PTPRN2: variants seen among roughly 807,000 people sequenced by gnomAD.
PTPRN2 encodes the protein receptor-type tyrosine-protein phosphatase N2.
A neutral mutation model predicts 118.8 loss-of-function variants in PTPRN2; 74 were observed. The observed-to-expected ratio is 0.62, with a 90% CI of 0.52 to 0.76. The LOEUF (loss-of-function observed/expected upper bound fraction) is 0.76, where lower values mean the gene tolerates loss of function less well. Ranked by LOEUF, PTPRN2 falls within the 30% of genes least tolerant of loss-of-function variation. PTPRN2 has a pLI of 0.00. For synonymous variants in PTPRN2, 641 were observed against 608.0 expected, an observed-to-expected ratio of 1.05 and a Z score of -0.80; for missense variants, 1,481 against 1,394.4, an observed-to-expected ratio of 1.06 and a Z score of -0.99.
chr7:157,621,938 T>C (rs115289864), intron 14 of PTPRN2, among the ~76,000 whole-genome samples: 136 of 152,218 alleles, frequency 8.9e-4, no homozygotes, highest in African/African-American at 3.1e-3. Context: ...GAGACTGGGC[T>C]GCTCTGATCT....
rs929375383 is a variant in PTPRN2, at chr7:157,813,402, C to T, written c.1788+85271G>A. ...GAGGGTGGGAGACCAGAGTCAGAGGCGGACAGGGGTTCGATACGCCATTCA... is the reference window on the plus strand; with the variant it reads ...GAGGGTGGGAGACCAGAGTCAGAGGTGGACAGGGGTTCGATACGCCATTCA... On this transcript the variant is annotated intron_variant, in intron 12 of 22. Coordinates refer to ENST00000389418, the MANE Select transcript of PTPRN2 (RefSeq NM_002847.5). The surrounding 1 kb of genome is among the most constrained non-coding windows in gnomAD (Gnocchi z 4.7). 9.9e-5 allele frequency among the ~76,000 whole-genome samples: 15 copies of T among 152,122 alleles called. 1 individual carries two copies. The South Asian group carries it at 1.5e-3, about 15-fold the overall frequency.
intron 2 of PTPRN2, among the ~76,000 whole-genome samples, chr7:158,371,267 A>C (rs1809968852): frequency 6.6e-6 from 1 of 152,160 alleles, no homozygotes; most frequent in South Asian, 2.1e-4. Context: ...GAAAAAAAGG[A>C]AGGAAAAAAT....
At position 157,964,713 on chromosome 7, in the gene PTPRN2, C is replaced by T. The variant is rs1563279682; in HGVS notation, c.1724-65976G>A. Among the ~76,000 whole-genome samples, 1 of 152,190 alleles carries T rather than the reference C, an allele frequency of 6.6e-6. No individual in the cohort carries two copies. The highest frequency in any genetic ancestry group is 1.5e-5 in the Non-Finnish European group (1 of 68,040). On this transcript the variant is annotated intron_variant, in intron 11 of 22. Transcript: ENST00000389418. This position sits in a 1 kb window ranked among gnomAD's most constrained non-coding sequence, Gnocchi z 9.0. ...CAGCATCATGGACTTGACCGACTCA[C>T]CTCAGAGCTTGGCACTGGGTGCTCT...
chr7:158,058,810 G>GCAGCCACACTCCATCTGCACACGGTGAGA (rs1810040002), intron 11 of PTPRN2, among the ~76,000 whole-genome samples: 1 of 48,066 alleles, frequency 2.1e-5, no homozygotes, highest in Admixed American at 2.0e-4. Flanking sequence ...ACACAGTGAC[G>GCAGCCACACTCCATCTGCACACGGTGAGA]CATCACTGCA....
intron 1 of PTPRN2, among the ~76,000 whole-genome samples, chr7:158,557,024 G>A (rs1269275790): frequency 1.5e-5 from 2 of 131,884 alleles, no homozygotes; most frequent in Non-Finnish European, 3.1e-5. Flanking sequence ...TCGCTCCCAC[G>A]CAGGTCAGAG....
rs1029202027 is a variant in PTPRN2 at position 157,893,326 on chromosome 7, G to A, written c.1788+5347C>T. On this transcript the variant is annotated intron_variant, in intron 12 of 22. Transcript: ENST00000389418. This position sits in a 1 kb window ranked among gnomAD's most constrained non-coding sequence, Gnocchi z 4.0. ...CAGGTTGGATGTGGATGGAAGCAGA[G>A]GTGTGGTGCTGTGCAGGTGAGCTCC... Among the ~76,000 whole-genome samples, 14 of 152,220 alleles carry A rather than the reference G, an allele frequency of 9.2e-5. No individual in the cohort carries two copies. The highest frequency in any genetic ancestry group is 3.3e-4 in the Admixed American group (5 of 15,288).
At position 158,187,531 on chromosome 7, in the gene PTPRN2, TC is replaced by T. The variant is rs138217033; in HGVS notation, c.549+4795del. Among the ~76,000 whole-genome samples, 1,090 of 152,302 alleles carry T rather than the reference TC, an allele frequency of 7.2e-3. 16 individuals carry two copies. The highest frequency in any genetic ancestry group is 0.061 in the East Asian group (317 of 5,166). On this transcript the variant is annotated intron_variant, in intron 5 of 22. Coordinates refer to ENST00000389418, the MANE Select transcript of PTPRN2 (RefSeq NM_002847.5). ...GCGCTGCAGCCTCTGGTCACGCACT[TC>T]CTGTGCTTATTCAGTCTTTGTTCAT...
chr7:158,241,236 C>G (rs1795887873), intron 3 of PTPRN2, among the ~76,000 whole-genome samples: 1 of 152,210 alleles, frequency 6.6e-6, no homozygotes, highest in African/African-American at 2.4e-5. Context: ...TCACTTTCGG[C>G]CGGGCGTGGT....
intron 5 of PTPRN2, 69 bp from the exon 6 acceptor site, chr7:158,167,360 C>T (rs1469015360): frequency 2.0e-6 from 3 of 1,515,342 alleles, no homozygotes; most frequent in African/African-American, 2.8e-5. Flanking sequence ...ACCAAGATGC[C>T]CTTCAGTCTC....
rs1352549450 is a variant in PTPRN2, at chr7:157,977,714, G to A, written c.1724-78977C>T. Among the ~76,000 whole-genome samples the A allele has an allele frequency of 6.6e-6, 1 of 151,818 alleles. No homozygotes were observed. The highest frequency in any genetic ancestry group is 2.4e-5 in the African/African-American group (1 of 41,390). On this transcript the variant is annotated intron_variant, in intron 11 of 22. Coordinates refer to ENST00000389418, the MANE Select transcript of PTPRN2 (RefSeq NM_002847.5). The surrounding 1 kb of genome is among the most constrained non-coding windows in gnomAD (Gnocchi z 4.6). ...CCAGTACCTGTGAGCAGGGGAGGTGGGGGCGGGAGGAAGTGAGAGGTAGGA... is the reference window on the plus strand; with the variant it reads ...CCAGTACCTGTGAGCAGGGGAGGTGAGGGCGGGAGGAAGTGAGAGGTAGGA...
At chr7:157,758,918 C>T (rs915535222) in intron 12 of PTPRN2, among the ~76,000 whole-genome samples, 11 of 152,364 alleles carry the variant, frequency 7.2e-5, no homozygotes, top group East Asian at 3.9e-4. Flanking sequence ...TGCCACGGTA[C>T]GCCCCTCCAG....
intron 2 of PTPRN2, among the ~76,000 whole-genome samples, chr7:158,452,968 AC>A (rs1452410518): frequency 6.6e-6 from 1 of 152,162 alleles, no homozygotes; most frequent in African/African-American, 2.4e-5. Flanking sequence ...CACAGGGAGC[AC>A]CCCGAGGATC....
At chr7:157,833,423 G>A (rs1015814592) in intron 12 of PTPRN2, among the ~76,000 whole-genome samples, 2 of 149,146 alleles carry the variant, frequency 1.3e-5, no homozygotes, top group Admixed American at 1.3e-4. Context: ...CCTGTATGAT[G>A]GTGAACTTGT....
rs1472271851 is a variant in PTPRN2, at chr7:157,987,996, G to A, written c.1724-89259C>T. On this transcript the variant is annotated intron_variant, in intron 11 of 22. Coordinates refer to ENST00000389418, the MANE Select transcript of PTPRN2 (RefSeq NM_002847.5). This position sits in a 1 kb window ranked among gnomAD's most constrained non-coding sequence, Gnocchi z 4.3. ...CCATTCCCTGCGTTACTGCAGCAGG[G>A]ATCCAGAGAACACTGTCCGGACATG... Among the ~76,000 whole-genome samples the A allele has an allele frequency of 1.3e-5, 2 of 152,056 alleles. No homozygotes were observed. The highest frequency in any genetic ancestry group is 2.4e-5 in the African/African-American group (1 of 41,382).
chr7:157,806,877 C>A (rs1239928946), intron 12 of PTPRN2, among the ~76,000 whole-genome samples: 1 of 152,252 alleles, frequency 6.6e-6, no homozygotes, highest in African/African-American at 2.4e-5. Context: ...CTCTCCTCTG[C>A]ATGCACAGCC....
intron 14 of PTPRN2, among the ~76,000 whole-genome samples, chr7:157,644,391 A>C (rs1804892044): frequency 6.6e-6 from 1 of 152,204 alleles, no homozygotes; most frequent in South Asian, 2.1e-4. Flanking sequence ...GCCCAGCCTG[A>C]GGGATGTCGT....
chr7:158,240,553 C>A (rs543353218), intron 3 of PTPRN2, among the ~76,000 whole-genome samples: 1 of 152,258 alleles, frequency 6.6e-6, no homozygotes, highest in South Asian at 2.1e-4. Flanking sequence ...CTCGGCCTCC[C>A]AAGTAGATGG....
At chr7:157,880,531 C>T (rs1796050783) in intron 12 of PTPRN2, among the ~76,000 whole-genome samples, 1 of 152,228 alleles carries the variant, frequency 6.6e-6, no homozygotes, top group South Asian at 2.1e-4. Flanking sequence ...TACATCCTCC[C>T]TGCAAAATCA....
chr7:158,043,915 T>C (rs997425143), intron 11 of PTPRN2, among the ~76,000 whole-genome samples: 5 of 152,176 alleles, frequency 3.3e-5, no homozygotes, highest in African/African-American at 1.2e-4. Context: ...TGTCATTTGC[T>C]CAAAAAATGT....
Sources: gnomAD v4.1 joint callset for allele counts (sites outside exome capture counted in the v4.1 genomes callset) on GRCh38, gnomAD v4.1.1 for gene constraint, Gnocchi (gnomAD v3.1) non-coding constraint, MANE v1.5 for transcripts, NCBI Gene and HGNC (gene_info 2026-07-23, HGNC 2026-07-21) for gene names.